PCDHGA7: variants seen among roughly 807,000 people sequenced by gnomAD.
PCDHGA7 encodes the protein protocadherin gamma subfamily A, 7, also known as protocadherin gamma-A7.
PCDHGA7 carries 44 observed loss-of-function variants against 58.3 expected under a neutral mutation model. The observed-to-expected ratio is 0.75, with a 90% CI of 0.59 to 0.97. PCDHGA7 has a LOEUF of 0.97. Ranked by LOEUF, PCDHGA7 falls within the 50% of genes least tolerant of loss-of-function variation. The pLI, the probability that PCDHGA7 is intolerant of heterozygous loss-of-function variation, is 0.00. For missense variants in PCDHGA7, 1,266 were observed against 1,188.7 expected (o/e 1.06, Z -0.96); for synonymous variants, 516 against 504.2 (o/e 1.02, Z -0.31).
At chr5:141,404,326 A>G in intron 1 of PCDHGA7, 2 of 1,613,904 alleles carry the variant, frequency 1.2e-6, no homozygotes, top group Non-Finnish European at 1.7e-6. Context: ...CCTCCTACTC[A>G]GTCTACCTCC....
intron 1 of PCDHGA7, chr5:141,423,700 G>A (rs753612385): frequency 7.5e-7 from 1 of 1,324,816 alleles, no homozygotes; most frequent in Non-Finnish European, 9.8e-7. Context: ...TTGGTGTCTT[G>A]GCACAAGTCT....
chr5:141,495,547 C>G (rs2099762038), intron 2 of PCDHGA7, among the ~76,000 whole-genome samples: 1 of 152,228 alleles, frequency 6.6e-6, no homozygotes, highest in South Asian at 2.1e-4. Flanking sequence ...CAGTCTCTAT[C>G]TCGCTTTGCA....
chr5:141,470,915 C>A (rs2099244061), intron 1 of PCDHGA7, among the ~76,000 whole-genome samples: 1 of 152,010 alleles, frequency 6.6e-6, no homozygotes, highest in Non-Finnish European at 1.5e-5. Flanking sequence ...GGGACTGTCC[C>A]TATGTTGCTC....
intron 1 of PCDHGA7, chr5:141,391,032 T>C (rs908748282): frequency 2.0e-5 from 3 of 152,212 alleles, no homozygotes; most frequent in African/African-American, 7.2e-5. Context: ...AAGACAATGT[T>C]TTGTGTCTGT....
At position 141,487,665 on chromosome 5, in the gene PCDHGA7, G is replaced by C. The variant is rs373971935; in HGVS notation, c.2425-7142G>C. 2.1e-5 allele frequency: 34 copies of C among 1,612,724 alleles called. No homozygotes were observed. In the South Asian group the frequency reaches 3.4e-4, roughly 16 times the overall value. ...ATGCTTGAGGGTTATTCTGATCCAG[G>C]CATATGGCTAGGCCATGTCCTAGAG... On this transcript the variant is annotated intron_variant, in intron 1 of 3. Transcript: ENST00000518325. The surrounding 1 kb of genome is among the most constrained non-coding windows in gnomAD (Gnocchi z 5.0).
chr5:141,479,466 C>G (rs1004384273), intron 1 of PCDHGA7: 1 of 152,224 alleles, frequency 6.6e-6, no homozygotes, highest in Non-Finnish European at 1.5e-5. Flanking sequence ...AATACAGTGA[C>G]CTCTTGGGAG....
chr5:141,425,835 T>C (rs536839515), intron 1 of PCDHGA7, among the ~76,000 whole-genome samples: 1 of 152,256 alleles, frequency 6.6e-6, no homozygotes, highest in Admixed American at 6.5e-5. Flanking sequence ...TTTTAAATTC[T>C]CTTTGCTGGG....
intron 1 of PCDHGA7, among the ~76,000 whole-genome samples, chr5:141,387,210 C>T (rs944882080): frequency 3.9e-5 from 6 of 152,012 alleles, no homozygotes; most frequent in Non-Finnish European, 5.9e-5. Context: ...CTGATACTCT[C>T]CGGAAAAAGT....
At position 141,428,042 on chromosome 5, in the gene PCDHGA7, G is replaced by A; in HGVS notation, c.2424+42719G>A. The A allele has an allele frequency of 1.9e-6, 3 of 1,608,716 alleles. No individual in the cohort carries two copies. The South Asian group carries it at 3.3e-5, about 18-fold the overall frequency. On this transcript the variant is annotated intron_variant, in intron 1 of 3. Transcript: ENST00000518325. ...GCGCCGCAGAGTCCGGCTACCTGGT[G>A]ACCAAGGTGGTGGCGGTGGACGCAG...
At chr5:141,398,565 A>C in intron 1 of PCDHGA7, 1 of 1,614,040 alleles carries the variant, frequency 6.2e-7, no homozygotes, top group Non-Finnish European at 8.5e-7. Context: ...GTGAGTCTGC[A>C]CAGCCTGGCA....
At chr5:141,494,326 G>C (rs2154591458) in intron 1 of PCDHGA7, among the ~76,000 whole-genome samples, 1 of 152,312 alleles carries the variant, frequency 6.6e-6, no homozygotes, top group Middle Eastern at 3.4e-3. Context: ...GGCACCAAAA[G>C]GGTTACCAAG....
At chr5:141,415,114 G>C (rs186848544) in intron 1 of PCDHGA7, 1 of 1,613,648 alleles carries the variant, frequency 6.2e-7, no homozygotes, top group Non-Finnish European at 8.5e-7. Flanking sequence ...GCAAAGCCTC[G>C]TAGTGGCCGT....
At chr5:141,440,696 A>G (rs2098194818) in intron 1 of PCDHGA7, 1 of 152,210 alleles carries the variant, frequency 6.6e-6, no homozygotes, top group Non-Finnish European at 1.5e-5. Flanking sequence ...AAAGTGACCA[A>G]CAGTGGAAAG....
Position 141,383,559 on chromosome 5 carries a change from G to C in PCDHGA7, c.660G>C (p.Pro220=). The stretch of plus-strand genomic sequence containing the variant: ...TCACAGCCTCTGATGGCGGCGACCC[G>C]CCCCGATCCAGCACCGCCCACATCC... ...LVLTASDGGD[P]PRSSTAHIQV... Residue 220 remains proline, a synonymous_variant, in exon 1 of 4, where the codon CCG becomes CCC. Transcript: ENST00000518325. 6.2e-7 allele frequency: 1 copy of C among 1,612,810 alleles called. No homozygotes were observed. The highest frequency in any genetic ancestry group is 8.5e-7 in the Non-Finnish European group (1 of 1,179,516).
chr5:141,474,505 A>G (rs2099350724), intron 1 of PCDHGA7, among the ~76,000 whole-genome samples: 2 of 152,248 alleles, frequency 1.3e-5, no homozygotes, highest in Admixed American at 6.5e-5. Context: ...AATGCCTATC[A>G]GCCCTCTTGC....
rs372466798 is a variant in PCDHGA7 at position 141,413,407 on chromosome 5, C to T, written c.2424+28084C>T. On this transcript the variant is annotated intron_variant, in intron 1 of 3. Transcript: ENST00000518325. ...CATAGTCTCCAGAGGTAGGACGCAG[C>T]TTTTCTCTCTGAACCCGCGCAGCGG... The T allele has an allele frequency of 6.2e-7, 1 of 1,614,044 alleles. No individual in the cohort carries two copies. The highest frequency in any genetic ancestry group is 8.5e-7 in the Non-Finnish European group (1 of 1,179,938).
At chr5:141,481,779 C>T (rs1367771159) in intron 1 of PCDHGA7, among the ~76,000 whole-genome samples, 2 of 152,092 alleles carry the variant, frequency 1.3e-5, no homozygotes, top group Non-Finnish European at 2.9e-5. Flanking sequence ...TGGTGAAACC[C>T]CGTCTCTACT....
At chr5:141,405,441 A>G (rs1049992632) in intron 1 of PCDHGA7, 1 of 1,376,552 alleles carries the variant, frequency 7.3e-7, no homozygotes, top group Non-Finnish European at 1.0e-6. Context: ...TGTTTTTGAG[A>G]CAGAGTCTTA....
chr5:141,393,134 C>T (rs755308269), intron 1 of PCDHGA7: 2 of 1,613,390 alleles, frequency 1.2e-6, no homozygotes, highest in South Asian at 2.2e-5. Flanking sequence ...TAAATATTAA[C>T]ACCCTGGTTG....
Sources: allele counts gnomAD v4.1 joint callset (sites outside exome capture counted in the v4.1 genomes callset), GRCh38; gene constraint gnomAD v4.1.1; non-coding constraint Gnocchi (gnomAD v3.1); transcripts MANE v1.5; gene names NCBI Gene and HGNC (gene_info 2026-07-23, HGNC 2026-07-21).